NIM1K: variants seen among roughly 807,000 people sequenced by gnomAD.
The protein encoded by NIM1K is serine/threonine-protein kinase NIM1.
A neutral mutation model predicts 37.1 loss-of-function variants in NIM1K; 35 were observed. That is an observed-to-expected ratio of 0.94 (90% CI 0.72 to 1.25). The LOEUF (loss-of-function observed/expected upper bound fraction) is 1.25. Among genes scored for constraint, NIM1K ranks in the 50% most tolerant of loss-of-function variants. The pLI is 0.00. For synonymous variants in NIM1K, 234 were observed against 206.6 expected, an observed-to-expected ratio of 1.13 and a Z score of -1.14; for missense variants, 564 against 548.0, an observed-to-expected ratio of 1.03 and a Z score of -0.29.
chr5:43,217,708 ATTTT>A (rs71608698), intron 1 of NIM1K, among the ~76,000 whole-genome samples: 24 of 93,626 alleles, frequency 2.6e-4, no homozygotes, highest in Admixed American at 5.4e-4. Flanking sequence ...TCCTCTGTCT[ATTTT>A]TTTTTTTTTT....
At chr5:43,269,812 G>T (rs1183280031) in intron 2 of NIM1K, among the ~76,000 whole-genome samples, 1 of 152,006 alleles carries the variant, frequency 6.6e-6, no homozygotes, top group Admixed American at 6.6e-5. Context: ...TAGAGACGGG[G>T]TTTCACCATG....
rs377400849 is a variant in NIM1K, at chr5:43,204,502, G to A, written c.-695+12091G>A. The stretch of plus-strand genomic sequence containing the variant: ...GGATCACCTGAGGTCAGGAGTTCAA[G>A]ACCAGCCTGGCCAACTTGGCAAAAT... On this transcript the variant is annotated intron_variant, in intron 1 of 3. Coordinates refer to ENST00000326035, the MANE Select transcript of NIM1K (RefSeq NM_153361.4). Among the ~76,000 whole-genome samples, 23 of 145,912 alleles carry A rather than the reference G, an allele frequency of 1.6e-4. No individual in the cohort carries two copies. In the East Asian group the frequency reaches 3.6e-3, roughly 23 times the overall value.
chr5:43,200,697 A>G (rs1752005050), intron 1 of NIM1K, among the ~76,000 whole-genome samples: 1 of 152,228 alleles, frequency 6.6e-6, no homozygotes, highest in Non-Finnish European at 1.5e-5. Context: ...CAGGAGGTAC[A>G]CTGAGTTTAC....
At chr5:43,197,027 C>G (rs777543213) in intron 1 of NIM1K, among the ~76,000 whole-genome samples, 5 of 145,364 alleles carry the variant, frequency 3.4e-5, no homozygotes, top group Non-Finnish European at 6.0e-5. Context: ...CTCAAGCAAT[C>G]CTCTCACTTT....
chr5:43,213,246 C>CTTG (rs1247716584), intron 1 of NIM1K, among the ~76,000 whole-genome samples: 1 of 122,444 alleles, frequency 8.2e-6, no homozygotes, highest in Admixed American at 8.6e-5. Context: ...TCCTTTCTTT[C>CTTG]TTTCTTGTTC....
intron 1 of NIM1K, among the ~76,000 whole-genome samples, chr5:43,224,936 C>T (rs1186490573): frequency 2.0e-5 from 3 of 152,078 alleles, no homozygotes; most frequent in Non-Finnish European, 4.4e-5. Flanking sequence ...CCTTGTGATC[C>T]ACCTGCCTTG....
chr5:43,240,687 G>A (rs191366188), intron 1 of NIM1K, among the ~76,000 whole-genome samples: 43 of 151,628 alleles, frequency 2.8e-4, no homozygotes, highest in African/African-American at 1.0e-3. Context: ...GGTGTGTGCC[G>A]CCATGCCTGG....
intron 1 of NIM1K, among the ~76,000 whole-genome samples, chr5:43,224,961 C>T (rs1046948074): frequency 1.5e-4 from 23 of 151,914 alleles, no homozygotes; most frequent in African/African-American, 4.8e-4. Flanking sequence ...CCCAAAGTGC[C>T]GGGATTACAG....
rs59833557 is a variant in NIM1K at position 43,204,704 on chromosome 5, CA to C, written c.-695+12308del. Reference sequence around the variant, plus strand: ...TGGGCAACAGAAAGAGGCTCTGTCTCAAAAAAAAAAAAAAAGTCACAGCTGG... The same window carrying C: ...TGGGCAACAGAAAGAGGCTCTGTCTCAAAAAAAAAAAAAAGTCACAGCTGG... On this transcript the variant is annotated intron_variant, in intron 1 of 3. Transcript: ENST00000326035. Among the ~76,000 whole-genome samples the C allele has an allele frequency of 9.0e-3, 1,137 of 125,862 alleles. 13 individuals carry two copies. The highest frequency in any genetic ancestry group is 0.025 in the African/African-American group (858 of 34,342). 82.6% of individuals were successfully genotyped at this position (125,862 alleles called of 152,430 possible).
In NIM1K at chr5:43,277,257, G is replaced by T. The variant is rs756780204; in HGVS notation, c.493G>T (p.Glu165Ter). 1 of 1,614,112 alleles carries T rather than the reference G, an allele frequency of 6.2e-7. No homozygotes were observed. Among genetic ancestry groups the T allele is most frequent in the South Asian group, 1.1e-5 (1 of 91,076 alleles). Residue 165 changes from glutamate (E) to a stop codon, truncating the protein, a stop_gained, in exon 3 of 4, where the codon GAG becomes TAG. Transcript: ENST00000326035. LOFTEE classifies it high-confidence loss of function. The stretch of plus-strand genomic sequence containing the variant: ...GGAGCTCTTCGGAAAAATTAGCACT[G>T]AGGGGAAGCTCTCTGAACCAGAAAG... ...GGELFGKIST[E>*]GKLSEPESKL...
rs1438895797 is a variant in NIM1K at position 43,222,632 on chromosome 5, G to A, written c.-694-22450G>A. Among the ~76,000 whole-genome samples the A allele has an allele frequency of 3.3e-5, 5 of 152,012 alleles. No individual in the cohort carries two copies. The East Asian group carries it at 9.6e-4, about 29-fold the overall frequency. ...GCCTTTAGTCCCAGCTACTTGGGAG[G>A]CTGAGACTGAAGGATCACTTTAGCC... is the stretch of plus-strand genomic sequence containing the variant. On this transcript the variant is annotated intron_variant, in intron 1 of 3. Transcript: ENST00000326035.
chr5:43,198,399 G>T (rs542532685), intron 1 of NIM1K, among the ~76,000 whole-genome samples: 120 of 135,356 alleles, frequency 8.9e-4, no homozygotes, highest in Non-Finnish European at 1.4e-3. Flanking sequence ...TCCCTCTCGA[G>T]CTCGCTCTCT....
intron 2 of NIM1K, among the ~76,000 whole-genome samples, chr5:43,260,385 T>C (rs1013318303): frequency 2.0e-5 from 3 of 152,180 alleles, no homozygotes; most frequent in Non-Finnish European, 2.9e-5. Context: ...GCTTTTGTTA[T>C]TTTGAGTTAT....
At chr5:43,227,136 G>A (rs867741168) in intron 1 of NIM1K, among the ~76,000 whole-genome samples, 19 of 152,268 alleles carry the variant, frequency 1.2e-4, no homozygotes, top group Middle Eastern at 3.4e-3. Flanking sequence ...CGAGGAAGGC[G>A]GATCACCTGA....
Position 43,255,819 on chromosome 5 carries a change from T to A in NIM1K, c.292+9752T>A, listed in dbSNP as rs575163734. Among the ~76,000 whole-genome samples the A allele has an allele frequency of 1.5e-4, 22 of 151,314 alleles. No individual in the cohort carries two copies. The East Asian group carries it at 3.1e-3, about 21-fold the overall frequency. ...AGAAAGCATTGAGGATGACAGTTTTTAGATAAGTTGGCCAGGACAGCCTTA... is the reference window on the plus strand; with the variant it reads ...AGAAAGCATTGAGGATGACAGTTTTAAGATAAGTTGGCCAGGACAGCCTTA... On this transcript the variant is annotated intron_variant, in intron 2 of 3. Coordinates refer to ENST00000326035, the MANE Select transcript of NIM1K (RefSeq NM_153361.4).
rs574986459 is a variant in NIM1K at position 43,236,541 on chromosome 5, C to T, written c.-694-8541C>T. Among the ~76,000 whole-genome samples the T allele has an allele frequency of 3.9e-5, 6 of 152,320 alleles. No homozygotes were observed. The South Asian group carries it at 6.2e-4, about 16-fold the overall frequency. On this transcript the variant is annotated intron_variant, in intron 1 of 3. Transcript: ENST00000326035. ...TCTTTTCAAGAATTATAAGATCTGG[C>T]GAAAGTAAACCTGCATTCTGGCATG...
intron 2 of NIM1K, among the ~76,000 whole-genome samples, chr5:43,256,909 A>G (rs1752954951): frequency 1.3e-5 from 2 of 152,100 alleles, no homozygotes; most frequent in Admixed American, 1.3e-4. Flanking sequence ...GTTTTCTAGG[A>G]TCACCTCCCT....
intron 2 of NIM1K, 128 bp downstream of exon 2, chr5:43,246,195 T>A: frequency 1.5e-6 from 1 of 684,072 alleles, no homozygotes; most frequent in Non-Finnish European, 2.4e-6. Context: ...GCCCACATCC[T>A]GTGCCAGCCG....
intron 2 of NIM1K, among the ~76,000 whole-genome samples, chr5:43,269,177 G>GA (rs1753215956): frequency 0.014 from 1 of 74 alleles, no homozygotes; most frequent in Non-Finnish European, 0.026. Flanking sequence ...CAGGCATGGT[G>GA]GGGGCACCTG....
Sources: allele counts gnomAD v4.1 joint callset (sites outside exome capture counted in the v4.1 genomes callset), GRCh38; gene constraint gnomAD v4.1.1; transcripts MANE v1.5; gene names NCBI Gene and HGNC (gene_info 2026-07-23, HGNC 2026-07-21).